STK39: variants seen among roughly 807,000 people sequenced by gnomAD.
STK39 encodes the protein STE20/SPS1-related proline-alanine-rich protein kinase.
STK39 carries 20 observed loss-of-function variants against 77.8 expected under a neutral mutation model. The ratio of observed to expected loss-of-function variants is 0.26; its 90% CI spans 0.18 to 0.37. STK39 has a LOEUF of 0.37. Among genes scored for constraint, STK39 ranks in the 10% least tolerant of loss-of-function variants. STK39 has a pLI of 1.00. For missense variants in STK39, 479 were observed against 656.5 expected, an observed-to-expected ratio of 0.73 and a Z score of 2.95; for synonymous variants, 246 against 234.1, an observed-to-expected ratio of 1.05 and a Z score of -0.47.
intron 1 of STK39, among the ~76,000 whole-genome samples, chr2:168,186,980 C>T (rs1689225592): frequency 1.3e-5 from 2 of 152,290 alleles, no homozygotes; most frequent in South Asian, 2.1e-4. Context: ...AAGAGACAAT[C>T]CAATTCAGAA....
At chr2:168,151,506 G>T (rs1308523037) in intron 5 of STK39, among the ~76,000 whole-genome samples, 5 of 152,084 alleles carry the variant, frequency 3.3e-5, no homozygotes, top group African/African-American at 1.2e-4. Flanking sequence ...GGAGGCCGAG[G>T]CAGTCAGATT....
chr2:168,105,155 G>A (rs1686937276), intron 10 of STK39, among the ~76,000 whole-genome samples: 1 of 152,182 alleles, frequency 6.6e-6, no homozygotes, highest in African/African-American at 2.4e-5. Context: ...GGTTAGGCAG[G>A]TTGAATTTTC....
chr2:168,168,458 T>C (rs2105599689), intron 2 of STK39, among the ~76,000 whole-genome samples: 1 of 152,330 alleles, frequency 6.6e-6, no homozygotes, highest in Middle Eastern at 3.4e-3. Flanking sequence ...AACCTCATTT[T>C]TGCCATTATG....
intron 14 of STK39, among the ~76,000 whole-genome samples, chr2:168,051,272 A>G (rs1278529753): frequency 1.3e-5 from 2 of 152,246 alleles, no homozygotes; most frequent in African/African-American, 4.8e-5. Context: ...AATATAAAAA[A>G]GGATGAGGGA....
chr2:168,018,543 A>AAAG (rs746903805), intron 14 of STK39, among the ~76,000 whole-genome samples: 4 of 99,434 alleles, frequency 4.0e-5, no homozygotes, highest in Non-Finnish European at 8.7e-5. Context: ...GAAAGAAAAG[A>AAAG]AAGAAAGAAA....
chr2:168,156,025 G>T (rs890316630), intron 5 of STK39, among the ~76,000 whole-genome samples: 1 of 152,208 alleles, frequency 6.6e-6, no homozygotes, highest in Non-Finnish European at 1.5e-5. Flanking sequence ...CCTCTGGGAA[G>T]TATCCAGTCT....
intron 10 of STK39, among the ~76,000 whole-genome samples, chr2:168,122,269 A>G (rs6738424): frequency 0.39 from 58,751 of 151,948 alleles, 12,135 homozygotes; most frequent in South Asian, 0.53. Flanking sequence ...CCTACTTATA[A>G]GTGAGAACAT....
At chr2:168,130,512 C>T (rs371878417) in intron 8 of STK39, among the ~76,000 whole-genome samples, 4 of 152,304 alleles carry the variant, frequency 2.6e-5, no homozygotes, top group African/African-American at 7.2e-5. Flanking sequence ...GGTCATTCCA[C>T]TGTTAGTGAT....
chr2:168,103,085 T>A (rs777466220), intron 10 of STK39, among the ~76,000 whole-genome samples: 1 of 152,048 alleles, frequency 6.6e-6, no homozygotes, highest in Non-Finnish European at 1.5e-5. Flanking sequence ...CAGGGTCACA[T>A]CTGAGGTCTA....
At chr2:168,161,258 G>A (rs1297198667) in intron 5 of STK39, among the ~76,000 whole-genome samples, 4 of 152,192 alleles carry the variant, frequency 2.6e-5, no homozygotes, top group Admixed American at 6.5e-5. Context: ...CACGAAAGGT[G>A]CTCACCTGAT....
intron 16 of STK39, among the ~76,000 whole-genome samples, chr2:167,999,887 A>G (rs1300061986): frequency 1.3e-5 from 2 of 152,218 alleles, no homozygotes; most frequent in Non-Finnish European, 1.5e-5. Flanking sequence ...CTCTGGCCCC[A>G]CATAGGTAGT....
intron 12 of STK39, among the ~76,000 whole-genome samples, chr2:168,068,633 T>C (rs186473478): frequency 2.6e-5 from 4 of 152,286 alleles, no homozygotes; most frequent in Admixed American, 2.6e-4. Flanking sequence ...AAATCGAAAA[T>C]TATTCCAAAA....
intron 14 of STK39, among the ~76,000 whole-genome samples, chr2:168,031,365 C>T (rs889217195): frequency 3.9e-5 from 6 of 152,186 alleles, no homozygotes; most frequent in African/African-American, 4.8e-5. Context: ...ATCTGCTTCC[C>T]AGGGATGCCC....
At chr2:168,118,791 G>C (rs928091569) in intron 10 of STK39, among the ~76,000 whole-genome samples, 1 of 152,100 alleles carries the variant, frequency 6.6e-6, no homozygotes, top group Non-Finnish European at 1.5e-5. Flanking sequence ...GCTTTTTACA[G>C]ACTGGTAAGC....
At chr2:168,202,727 A>G (rs1293661774) in intron 1 of STK39, among the ~76,000 whole-genome samples, 1 of 152,132 alleles carries the variant, frequency 6.6e-6, no homozygotes, top group African/African-American at 2.4e-5. Flanking sequence ...CAGAAACATA[A>G]TATGTGAAGA....
At chr2:168,221,073 AGGC>A (rs1690156726) in intron 1 of STK39, among the ~76,000 whole-genome samples, 1 of 152,170 alleles carries the variant, frequency 6.6e-6, no homozygotes. Context: ...ATTTCAGAAG[AGGC>A]AGGCAAGTGA....
At chr2:168,148,842 TA>T (rs1236170749) in intron 5 of STK39, among the ~76,000 whole-genome samples, 1 of 152,114 alleles carries the variant, frequency 6.6e-6, no homozygotes. Flanking sequence ...ACACAGTGCA[TA>T]CAAAGGAGCC....
At chr2:168,090,534 A>T (rs975587080) in intron 10 of STK39, among the ~76,000 whole-genome samples, 1 of 152,230 alleles carries the variant, frequency 6.6e-6, no homozygotes, top group Non-Finnish European at 1.5e-5. Context: ...AACATAACTG[A>T]AACTCGAGCA....
intron 10 of STK39, among the ~76,000 whole-genome samples, chr2:168,086,882 T>C (rs1243225415): frequency 6.6e-6 from 1 of 152,236 alleles, no homozygotes; most frequent in African/African-American, 2.4e-5. Flanking sequence ...TTTCTTATTC[T>C]GCATCAGTCC....
Sources: gnomAD v4.1 joint callset for allele counts (sites outside exome capture counted in the v4.1 genomes callset) on GRCh38, gnomAD v4.1.1 for gene constraint, MANE v1.5 for transcripts, NCBI Gene and HGNC (gene_info 2026-07-23, HGNC 2026-07-21) for gene names.